The following NKAIN2 variants were observed in gnomAD, a reference collection of about 807,000 sequenced individuals.
NKAIN2 encodes the protein sodium/potassium transporting ATPase interacting 2.
A neutral mutation model predicts 32.6 loss-of-function variants in NKAIN2; 14 were observed. That is an observed-to-expected ratio of 0.43 (90% confidence interval 0.28 to 0.67). The LOEUF is 0.67. Among genes scored for constraint, NKAIN2 ranks in the 30% least tolerant of loss-of-function variants. NKAIN2 has a pLI of 0.17. For synonymous variants in NKAIN2, 80 were observed against 87.2 expected (o/e 0.92, Z 0.46); for missense variants, 198 against 258.3 (o/e 0.77, Z 1.60).
At chr6:123,884,544 A>G (rs1457746845) in intron 1 of NKAIN2, among the ~76,000 whole-genome samples, 1 of 152,172 alleles carries the variant, frequency 6.6e-6, no homozygotes, top group Admixed American at 6.5e-5. Flanking sequence ...CCCTAACACC[A>G]TAGATTAGTT....
chr6:124,393,657 G>T (rs542668117), intron 3 of NKAIN2, among the ~76,000 whole-genome samples: 1 of 152,048 alleles, frequency 6.6e-6, no homozygotes, highest in Admixed American at 6.6e-5. Flanking sequence ...GTGAGGAGCC[G>T]AGTCTCAAAA....
intron 1 of NKAIN2, among the ~76,000 whole-genome samples, chr6:124,281,295 A>G (rs1321369138): frequency 7.2e-5 from 11 of 152,242 alleles, no homozygotes; most frequent in Non-Finnish European, 1.5e-4. Flanking sequence ...GAAAATTAGC[A>G]ATCATGTTCT....
At chr6:123,997,376 C>T (rs1779664546) in intron 1 of NKAIN2, among the ~76,000 whole-genome samples, 2 of 152,044 alleles carry the variant, frequency 1.3e-5, no homozygotes, top group Admixed American at 6.6e-5. Flanking sequence ...CCAGAAGCAT[C>T]AGGTCTACTG....
chr6:124,174,634 A>G (rs1789064818), intron 1 of NKAIN2, among the ~76,000 whole-genome samples: 1 of 152,120 alleles, frequency 6.6e-6, no homozygotes, highest in African/African-American at 2.4e-5. Flanking sequence ...TATTCTTTCA[A>G]CTAGGGAATG....
chr6:124,592,436 G>T (rs1036106132), intron 3 of NKAIN2, among the ~76,000 whole-genome samples: 5 of 152,084 alleles, frequency 3.3e-5, no homozygotes, highest in Admixed American at 6.6e-5. Context: ...AAATTTACAG[G>T]CCACTATTTA....
In NKAIN2 at chr6:124,008,524, G is replaced by T. The variant is rs76112392; in HGVS notation, c.54+204270G>T. ...CTTGGTAAAAGGAAATGGCATGTGT[G>T]AAGCAGTTCCAGAGAATCAGAACTA... On this transcript the variant is annotated intron_variant, in intron 1 of 6. Coordinates refer to ENST00000368417, the MANE Select transcript of NKAIN2 (RefSeq NM_001040214.3). Among the ~76,000 whole-genome samples the T allele has an allele frequency of 5.7e-3, 866 of 152,150 alleles. 16 individuals are homozygous for T. Among genetic ancestry groups the T allele is most frequent in the African/African-American group, 0.02 (834 of 41,502 alleles).
intron 4 of NKAIN2, among the ~76,000 whole-genome samples, chr6:124,676,291 T>C (rs1345027247): frequency 6.6e-6 from 1 of 152,210 alleles, no homozygotes; most frequent in South Asian, 2.1e-4. Context: ...GAAGAATGTA[T>C]ATTCTGCTGC....
At chr6:123,941,542 A>G (rs1014701663) in intron 1 of NKAIN2, among the ~76,000 whole-genome samples, 3 of 151,878 alleles carry the variant, frequency 2.0e-5, no homozygotes, top group Non-Finnish European at 2.9e-5. Context: ...TTACGAGATC[A>G]CCATCATATA....
chr6:124,534,076 A>G (rs897662539), intron 3 of NKAIN2, among the ~76,000 whole-genome samples: 2 of 152,034 alleles, frequency 1.3e-5, no homozygotes, highest in Admixed American at 6.6e-5. Flanking sequence ...CTGTCACATG[A>G]CCCATTATAA....
At chr6:123,959,935 G>A (rs1582845229) in intron 1 of NKAIN2, among the ~76,000 whole-genome samples, 1 of 62,066 alleles carries the variant, frequency 1.6e-5, no homozygotes, top group African/African-American at 7.6e-5. Flanking sequence ...ATGTGTGTGT[G>A]TGTGTGTGTG....
intron 3 of NKAIN2, among the ~76,000 whole-genome samples, chr6:124,486,616 A>C (rs1402081618): frequency 6.6e-6 from 1 of 152,160 alleles, no homozygotes; most frequent in East Asian, 1.9e-4. Flanking sequence ...ATAGTCTAGA[A>C]ATATCTGATG....
chr6:124,206,174 C>G (rs1790872387), intron 1 of NKAIN2, among the ~76,000 whole-genome samples: 1 of 151,914 alleles, frequency 6.6e-6, no homozygotes, highest in Non-Finnish European at 1.5e-5. Flanking sequence ...GTGTAATTTT[C>G]TATTACTTTT....
chr6:124,455,662 TAATG>T (rs1776291251), intron 3 of NKAIN2, among the ~76,000 whole-genome samples: 1 of 151,762 alleles, frequency 6.6e-6, no homozygotes, highest in African/African-American at 2.4e-5. Flanking sequence ...ATAAGAAAAA[TAATG>T]AATAAGAGAA....
chr6:124,249,536 T>C (rs978368065), intron 1 of NKAIN2, among the ~76,000 whole-genome samples: 1 of 152,112 alleles, frequency 6.6e-6, no homozygotes, highest in African/African-American at 2.4e-5. Context: ...ATGGATTAGT[T>C]ACCCTGAGCA....
intron 4 of NKAIN2, among the ~76,000 whole-genome samples, chr6:124,704,588 A>G (rs1386746386): frequency 6.6e-6 from 1 of 151,926 alleles, no homozygotes; most frequent in East Asian, 1.9e-4. Context: ...GGAGAAAATA[A>G]TAGACAATGT....
intron 1 of NKAIN2, among the ~76,000 whole-genome samples, chr6:124,122,829 C>A (rs1375547061): frequency 6.6e-6 from 1 of 151,954 alleles, no homozygotes; most frequent in South Asian, 2.1e-4. Context: ...TCTCTTCCCC[C>A]AAAGTATCTG....
intron 3 of NKAIN2, among the ~76,000 whole-genome samples, chr6:124,405,969 A>G (rs1773839216): frequency 6.6e-6 from 1 of 151,228 alleles, no homozygotes; most frequent in Non-Finnish European, 1.5e-5. Flanking sequence ...AGCTTGATGC[A>G]GTGTAAACCT....
At chr6:124,481,932 A>T (rs1161473870) in intron 3 of NKAIN2, among the ~76,000 whole-genome samples, 5 of 152,224 alleles carry the variant, frequency 3.3e-5, no homozygotes, top group African/African-American at 1.2e-4. Context: ...GCCTTAGTGC[A>T]TAAACAAATG....
intron 3 of NKAIN2, among the ~76,000 whole-genome samples, chr6:124,564,223 T>G (rs1780812909): frequency 6.6e-6 from 1 of 152,028 alleles, no homozygotes; most frequent in African/African-American, 2.4e-5. Flanking sequence ...GCTAAAGGAT[T>G]GTAAATGCAC....
Sources: allele counts gnomAD v4.1 joint callset (sites outside exome capture counted in the v4.1 genomes callset), GRCh38; gene constraint gnomAD v4.1.1; transcripts MANE v1.5; gene names NCBI Gene and HGNC (gene_info 2026-07-23, HGNC 2026-07-21).